Variants in GALNTL5 observed in about 807,000 individuals in gnomAD.
GALNTL5 encodes polypeptide N-acetylgalactosaminyltransferase like 5.
Under a neutral mutation model 51.0 loss-of-function variants are expected in GALNTL5, and 44 were observed. That is an observed-to-expected ratio of 0.86 (90% CI 0.68 to 1.11). The LOEUF (loss-of-function observed/expected upper bound fraction) is 1.11. Ranked by LOEUF, GALNTL5 falls within the 50% of genes least tolerant of loss-of-function variation. The pLI, the probability that GALNTL5 is intolerant of heterozygous loss-of-function variation, is 0.00. For synonymous variants in GALNTL5, 192 were observed against 182.8 expected, an observed-to-expected ratio of 1.05 and a Z score of -0.41; for missense variants, 528 against 531.8, an observed-to-expected ratio of 0.99 and a Z score of 0.07.
chr7:151,992,243 T>G (rs1369255402), intron 5 of GALNTL5, among the ~76,000 whole-genome samples: 1 of 152,214 alleles, frequency 6.6e-6, no homozygotes, highest in African/African-American at 2.4e-5. Flanking sequence ...AGGCATCCTT[T>G]CTGCTTTTGA....
chr7:151,962,426 A>ATTTTTTTTTTT (rs762885233), intron 1 of GALNTL5, among the ~76,000 whole-genome samples: 1 of 33,984 alleles, frequency 2.9e-5, no homozygotes, highest in African/African-American at 7.4e-5. Context: ...AGTCTGTGTG[A>ATTTTTTTTTTT]TTTTTTTTTC....
chr7:151,971,220 A>G (rs547043494), intron 3 of GALNTL5, among the ~76,000 whole-genome samples, 155 bp downstream of exon 3: 3 of 152,312 alleles, frequency 2.0e-5, no homozygotes, highest in Middle Eastern at 6.8e-3. Context: ...TTGAAGTCAG[A>G]TAATGTCAAG....
At chr7:151,979,213 C>T (rs1175511281) in intron 3 of GALNTL5, among the ~76,000 whole-genome samples, 1 of 144,840 alleles carries the variant, frequency 6.9e-6, no homozygotes, top group Admixed American at 6.9e-5. Context: ...GGGTTCACGC[C>T]ATTCTCCTTC....
intron 5 of GALNTL5, among the ~76,000 whole-genome samples, chr7:152,000,385 A>G (rs1245083443): frequency 6.6e-6 from 1 of 152,214 alleles, no homozygotes; most frequent in Non-Finnish European, 1.5e-5. Context: ...GGAACTGCTG[A>G]CCAGAGACCA....
rs187988226 is a variant in GALNTL5 at position 151,978,935 on chromosome 7, C to T, written c.369-4051C>T. The stretch of plus-strand genomic sequence containing the variant: ...CCAAATAGGATCACATTCTGAGGTC[C>T]TGGGGACTAGAACTTCACTATATGA... On this transcript the variant is annotated intron_variant, in intron 3 of 8. Transcript: ENST00000392800. Among the ~76,000 whole-genome samples the T allele has an allele frequency of 2.0e-4, 31 of 152,150 alleles. No homozygotes were observed. In the East Asian group the frequency reaches 4.8e-3, roughly 24 times the overall value.
intron 5 of GALNTL5, among the ~76,000 whole-genome samples, chr7:151,996,794 TA>T (rs60393786): frequency 8.2e-5 from 12 of 146,152 alleles, no homozygotes; most frequent in Admixed American, 1.4e-4. Flanking sequence ...AACGTGTAGG[TA>T]AAAAAAAAAG....
Position 152,019,855 on chromosome 7 carries a change from A to T in GALNTL5, c.*54A>T. On this transcript the variant is annotated 3_prime_UTR_variant, in exon 9 of 9. Transcript: ENST00000392800. ...AGGGTTAAAAGTCTCCTAGTCATTC[A>T]ACATAGTGTCACAAGAGTGTAAGTT... is the stretch of plus-strand genomic sequence containing the variant. The T allele has an allele frequency of 6.9e-7, 1 of 1,442,390 alleles. No individual in the cohort carries two copies. The highest frequency in any genetic ancestry group is 2.3e-5 in the East Asian group (1 of 43,154). The allele number at this position is 1,442,390 out of a possible 1,614,324, so 89.3% of individuals were successfully genotyped here.
At chr7:151,965,047 AAAG>A (rs2081041250) in intron 1 of GALNTL5, among the ~76,000 whole-genome samples, 1 of 152,146 alleles carries the variant, frequency 6.6e-6, no homozygotes, top group African/African-American at 2.4e-5. Context: ...CTACTTCTCC[AAAG>A]AAGAAACCAC....
intron 6 of GALNTL5, among the ~76,000 whole-genome samples, chr7:152,003,612 C>T (rs1425556732): frequency 6.6e-6 from 1 of 152,152 alleles, no homozygotes; most frequent in Non-Finnish European, 1.5e-5. Context: ...ACATTAGCTA[C>T]AGTAATGTCA....
rs138963457 is a variant in GALNTL5, at chr7:151,979,908, C to T, written c.369-3078C>T. Among the ~76,000 whole-genome samples the T allele has an allele frequency of 3.3e-3, 501 of 152,264 alleles. 3 individuals carry two copies. The highest frequency in any genetic ancestry group is 0.011 in the African/African-American group (476 of 41,558). On this transcript the variant is annotated intron_variant, in intron 3 of 8. Coordinates refer to ENST00000392800, the MANE Select transcript of GALNTL5 (RefSeq NM_145292.4). ...AAACTGAAGGGACGCAGTTTATTTC[C>T]AGTTTTCTTAAAGTGATACACCCAG...
chr7:151,971,251 T>C (rs2081134966), intron 3 of GALNTL5, among the ~76,000 whole-genome samples, 186 bp downstream of exon 3: 1 of 152,198 alleles, frequency 6.6e-6, no homozygotes, highest in South Asian at 2.1e-4. Context: ...AAGATTCTAA[T>C]GCTTATAGTG....
At chr7:152,000,672 T>C (rs1377678414) in intron 5 of GALNTL5, among the ~76,000 whole-genome samples, 1 of 152,212 alleles carries the variant, frequency 6.6e-6, no homozygotes, top group Non-Finnish European at 1.5e-5. Flanking sequence ...TGATGACTAA[T>C]GGTGTTGAAC....
intron 3 of GALNTL5, among the ~76,000 whole-genome samples, chr7:151,980,902 C>T (rs1189034519): frequency 6.6e-6 from 1 of 150,442 alleles, no homozygotes; most frequent in Admixed American, 6.6e-5. Flanking sequence ...CCCGCCACTG[C>T]GCCCGGCTAA....
intron 8 of GALNTL5, among the ~76,000 whole-genome samples, chr7:152,018,064 T>G (rs572878058): frequency 6.6e-6 from 1 of 152,322 alleles, no homozygotes; most frequent in African/African-American, 2.4e-5. Flanking sequence ...CAGGCTGGTC[T>G]TGAACTCCTG....
intron 5 of GALNTL5, among the ~76,000 whole-genome samples, chr7:152,000,253 G>A (rs561137910): frequency 7.9e-5 from 12 of 152,326 alleles, no homozygotes; most frequent in East Asian, 1.9e-4. Flanking sequence ...GATGGTGTCC[G>A]GTAGGACTAT....
chr7:152,003,506 A>T (rs2081607974), intron 6 of GALNTL5, among the ~76,000 whole-genome samples: 1 of 152,252 alleles, frequency 6.6e-6, no homozygotes, highest in South Asian at 2.1e-4. Flanking sequence ...AATAATTAAC[A>T]CATTTCTTAG....
intron 6 of GALNTL5, among the ~76,000 whole-genome samples, chr7:152,006,271 T>C (rs1586849129): frequency 1.3e-5 from 2 of 152,154 alleles, no homozygotes; most frequent in African/African-American, 4.8e-5. Context: ...TAATTGTGAA[T>C]GGCGGGAGGC....
chr7:151,969,944 C>T lies in GALNTL5; in HGVS notation c.248-1001C>T, dbSNP rs184184749. ...GCCTCAGCCTCCCGAGTAGCTGGGACTACAGGCACCAGCCGCCACGCCTGG... is the reference window on the plus strand; with the variant it reads ...GCCTCAGCCTCCCGAGTAGCTGGGATTACAGGCACCAGCCGCCACGCCTGG... On this transcript the variant is annotated intron_variant, in intron 2 of 8. Coordinates refer to ENST00000392800, the MANE Select transcript of GALNTL5 (RefSeq NM_145292.4). Among the ~76,000 whole-genome samples the T allele has an allele frequency of 7.9e-3, 1,206 of 151,814 alleles. 17 individuals carry two copies. Among genetic ancestry groups the T allele is most frequent in the African/African-American group, 0.027 (1,128 of 41,406 alleles).
chr7:151,956,973 A>G (rs938570789), intron 1 of GALNTL5, among the ~76,000 whole-genome samples: 3 of 151,980 alleles, frequency 2.0e-5, no homozygotes, highest in African/African-American at 2.4e-5. Context: ...TTATATGGAG[A>G]TCAGTATTAA....
Sources: gnomAD v4.1 joint callset for allele counts (sites outside exome capture counted in the v4.1 genomes callset) on GRCh38, gnomAD v4.1.1 for gene constraint, MANE v1.5 for transcripts, NCBI Gene and HGNC (gene_info 2026-07-23, HGNC 2026-07-21) for gene names.